Variants in FMN2 observed in about 807,000 individuals in gnomAD.
The protein encoded by FMN2 is formin-2.
In FMN2, 51 loss-of-function variants were observed where a neutral mutation model predicts 142.3. The observed-to-expected ratio is 0.36, with a 90% CI of 0.29 to 0.45. The LOEUF is 0.45. Among genes scored for constraint, FMN2 ranks in the 20% least tolerant of loss-of-function variants. FMN2 has a pLI of 1.00. For synonymous variants in FMN2, 882 were observed against 869.8 expected (o/e 1.01, Z -0.25); for missense variants, 1,936 against 2,122.8 (o/e 0.91, Z 1.73).
At chr1:240,145,293 G>C in intron 2 of FMN2, 1 of 1,400,614 alleles carries the variant, frequency 7.1e-7, no homozygotes, top group Non-Finnish European at 9.7e-7. Context: ...TTGCCGCTTG[G>C]CTTCTCATCC....
chr1:240,281,024 C>T (rs1314107755), intron 7 of FMN2, among the ~76,000 whole-genome samples: 5 of 152,194 alleles, frequency 3.3e-5, no homozygotes, highest in Non-Finnish European at 4.4e-5. Flanking sequence ...CTAGACAAGA[C>T]GGCGACATAC....
intron 13 of FMN2, among the ~76,000 whole-genome samples, chr1:240,355,277 T>C (rs1672225560): frequency 6.6e-6 from 1 of 152,210 alleles, no homozygotes; most frequent in Admixed American, 6.5e-5. Flanking sequence ...ATAGATGCTC[T>C]ACAATTATTG....
chr1:240,394,630 A>G (rs1355522827), intron 15 of FMN2, among the ~76,000 whole-genome samples: 1 of 152,214 alleles, frequency 6.6e-6, no homozygotes, highest in Non-Finnish European at 1.5e-5. Context: ...GATGCCATCT[A>G]GGATTTTCAT....
chr1:240,250,200 C>T (rs559873683), intron 6 of FMN2, among the ~76,000 whole-genome samples: 1 of 152,142 alleles, frequency 6.6e-6, no homozygotes, highest in East Asian at 1.9e-4. Flanking sequence ...CATCTTTTCC[C>T]CATTCAGTAT....
intron 2 of FMN2, chr1:240,145,530 A>ATTTTTTTTTTTTTT (rs71168902): frequency 2.4e-5 from 2 of 84,346 alleles, no homozygotes; most frequent in Non-Finnish European, 4.4e-5. Flanking sequence ...TTCTTTTTCT[A>ATTTTTTTTTTTTTT]TTTTTTTTTT....
chr1:240,468,206 A>ATATATGTGTGTGTGTGTGTG (rs374934885), intron 16 of FMN2, among the ~76,000 whole-genome samples: 1 of 147,970 alleles, frequency 6.8e-6, no homozygotes, highest in East Asian at 2.0e-4. Flanking sequence ...ATATATATAT[A>ATATATGTGTGTGTGTGTGTG]TGTGTGTGTG....
chr1:240,327,898 G>A (rs1016387939), intron 8 of FMN2, among the ~76,000 whole-genome samples: 1 of 152,092 alleles, frequency 6.6e-6, no homozygotes, highest in Admixed American at 6.6e-5. Flanking sequence ...TGTAATCCCA[G>A]CAGTTTGGGA....
chr1:240,211,079 G>T lies in FMN2; in HGVS notation c.3921-12G>T. 1.9e-6 allele frequency: 3 copies of T among 1,588,144 alleles called. No individual in the cohort carries two copies. Among genetic ancestry groups the T allele is most frequent in the Non-Finnish European group, 2.6e-6 (3 of 1,171,246 alleles). On this transcript the variant is annotated splice_polypyrimidine_tract_variant and intron_variant, in intron 5 of 17. Transcript: ENST00000319653. ...TTGATGGCTGTTTTATTGTTCTTTT[G>T]CTTAATTTTAGAGACTCCAGTACTT... is the stretch of plus-strand genomic sequence containing the variant.
chr1:240,110,458 C>T (rs1457910914), intron 1 of FMN2, among the ~76,000 whole-genome samples: 1 of 152,110 alleles, frequency 6.6e-6, no homozygotes, highest in Non-Finnish European at 1.5e-5. Context: ...CCAATAAAAC[C>T]CTAGTGCAAG....
At chr1:240,274,103 A>C (rs994998226) in intron 7 of FMN2, among the ~76,000 whole-genome samples, 1 of 151,644 alleles carries the variant, frequency 6.6e-6, no homozygotes, top group Admixed American at 6.6e-5. Context: ...CTGTTTGCCT[A>C]CTCTCTGCCA....
intron 2 of FMN2, chr1:240,143,206 C>T (rs1663270895): frequency 6.3e-7 from 1 of 1,591,212 alleles, no homozygotes; most frequent in Admixed American, 1.7e-5. Flanking sequence ...CCCACCATGC[C>T]CATGGCAAAA....
At chr1:240,145,530 A>ATTTTTTTTTTTTTTTTTT (rs71168902) in intron 2 of FMN2, 4 of 84,346 alleles carry the variant, frequency 4.7e-5, no homozygotes, top group East Asian at 3.4e-4. Flanking sequence ...TTCTTTTTCT[A>ATTTTTTTTTTTTTTTTTT]TTTTTTTTTT....
chr1:240,257,186 G>C (rs772967444), intron 6 of FMN2, among the ~76,000 whole-genome samples: 4 of 152,108 alleles, frequency 2.6e-5, no homozygotes, highest in Non-Finnish European at 4.4e-5. Context: ...GGAAAACATG[G>C]TCAAAAAATA....
At chr1:240,261,045 A>G (rs1668608622) in intron 7 of FMN2, among the ~76,000 whole-genome samples, 1 of 152,134 alleles carries the variant, frequency 6.6e-6, no homozygotes, top group Non-Finnish European at 1.5e-5. Flanking sequence ...TTGCTTTGTC[A>G]AAGATCAGTT....
intron 6 of FMN2, among the ~76,000 whole-genome samples, chr1:240,227,761 T>C (rs189012178): frequency 9.7e-4 from 148 of 152,238 alleles, no homozygotes; most frequent in African/African-American, 3.4e-3. Context: ...AAGAATGAGA[T>C]TAGGCAATGG....
chr1:240,331,694 T>C (rs541072315), intron 11 of FMN2, among the ~76,000 whole-genome samples: 1 of 152,290 alleles, frequency 6.6e-6, no homozygotes, highest in Non-Finnish European at 1.5e-5. Flanking sequence ...AATGGAGTTA[T>C]GGCCTGATAA....
At position 240,204,227 on chromosome 1, in the gene FMN2, A is replaced by G. The variant is rs71646824; in HGVS notation, c.1987-2572A>G. 9.2e-5 allele frequency among the ~76,000 whole-genome samples: 14 copies of G among 152,204 alleles called. No homozygotes were observed. The East Asian group carries it at 2.7e-3, about 29-fold the overall frequency. ...TTGTCTTCAGCTGTCAGCAAACATC[A>G]TGATTGACCTTCAGCAAGTTAAATG... On this transcript the variant is annotated intron_variant, in intron 4 of 17. Transcript: ENST00000319653.
At chr1:240,259,684 T>C (rs1668566167) in intron 7 of FMN2, among the ~76,000 whole-genome samples, 3 of 152,126 alleles carry the variant, frequency 2.0e-5, no homozygotes, top group Admixed American at 2.0e-4. Flanking sequence ...CACAGAAGCA[T>C]AAACATCATT....
chr1:240,349,167 C>A (rs545569666), intron 13 of FMN2, among the ~76,000 whole-genome samples: 259 of 152,162 alleles, frequency 1.7e-3, no homozygotes, highest in African/African-American at 6.2e-3. Flanking sequence ...TGTCTGTGCA[C>A]TTACACCTAC....
Sources: gnomAD v4.1 joint callset for allele counts (sites outside exome capture counted in the v4.1 genomes callset) on GRCh38, gnomAD v4.1.1 for gene constraint, MANE v1.5 for transcripts, NCBI Gene and HGNC (gene_info 2026-07-23, HGNC 2026-07-21) for gene names.